DNASE1: variants seen among roughly 807,000 people sequenced by gnomAD.
DNASE1 encodes deoxyribonuclease-1.
DNASE1 carries 40 observed loss-of-function variants against 33.9 expected under a neutral mutation model. The observed-to-expected ratio is 1.18, with a 90% confidence interval of 0.92 to 1.54. The LOEUF (loss-of-function observed/expected upper bound fraction) is 1.54, where lower values mean the gene tolerates loss of function less well. Ranked by LOEUF, DNASE1 falls within the 40% of genes most tolerant of loss-of-function variation. DNASE1 has a pLI of 0.00. For synonymous variants in DNASE1, 216 were observed against 160.0 expected (o/e 1.35, Z -2.64); for missense variants, 518 against 372.6 (o/e 1.39, Z -3.21).
At chr16:3,658,700 G>A, downstream of DNASE1, 1 of 1,223,206 alleles carries the variant, frequency 8.2e-7, no homozygotes, top group East Asian at 2.5e-5. Context: ...CAAAAAGACA[G>A]GATTTTAGAG....
At chr16:3,654,139 A>G (rs1370590333), upstream of DNASE1, 9 of 379,004 alleles carry the variant, frequency 2.4e-5, no homozygotes, top group East Asian at 3.4e-4. Context: ...AAACAAAAGA[A>G]CCAAGAAATT....
chr16:3,658,181 G>GC, downstream of DNASE1: 1 of 1,614,096 alleles, frequency 6.2e-7, no homozygotes. Flanking sequence ...GCCCACCATG[G>GC]CCCTAGGGTC....
At chr16:3,646,786 A>G (rs987938395) in intron 1 of DNASE1, among the ~76,000 whole-genome samples, 4 of 152,070 alleles carry the variant, frequency 2.6e-5, no homozygotes, top group Non-Finnish European at 4.4e-5. Flanking sequence ...GGCAGTGATG[A>G]CGGGTGGTAT....
At chr16:3,664,300 CATA>C in exon 10 of DNASE1, 1 of 1,606,376 alleles carries the variant, frequency 6.2e-7, no homozygotes, top group East Asian at 2.2e-5. Context: ...TTCATGGCCT[CATA>C]GTAGGGTGAG....
At chr16:3,649,263 C>G (rs1282603373) in intron 1 of DNASE1, among the ~76,000 whole-genome samples, 1 of 152,192 alleles carries the variant, frequency 6.6e-6, no homozygotes, top group Non-Finnish European at 1.5e-5. Context: ...AGCTGGAGTC[C>G]ACCTATCTAA....
chr16:3,613,536 G>A (rs1247222143), intron 1 of DNASE1, among the ~76,000 whole-genome samples: 2 of 152,108 alleles, frequency 1.3e-5, no homozygotes, highest in East Asian at 3.8e-4. Flanking sequence ...GGTTTTCCTT[G>A]ATGAAGGATT....
chr16:3,644,007 C>T (rs1259740940), intron 1 of DNASE1, among the ~76,000 whole-genome samples: 1 of 152,160 alleles, frequency 6.6e-6, no homozygotes, highest in Non-Finnish European at 1.5e-5. Context: ...TCCCAAAGTG[C>T]TGGCATTATA....
intron 1 of DNASE1, among the ~76,000 whole-genome samples, chr16:3,637,040 C>T (rs554658329): frequency 6.6e-6 from 1 of 152,212 alleles, no homozygotes; most frequent in African/African-American, 2.4e-5. Context: ...AGGAGAATCG[C>T]TTGAACCCAG....
intron 1 of DNASE1, among the ~76,000 whole-genome samples, chr16:3,628,470 G>T (rs1309592944): frequency 2.6e-5 from 4 of 151,974 alleles, no homozygotes; most frequent in African/African-American, 9.7e-5. Context: ...AAATAGTAGT[G>T]GTAAAGGTGA....
intron 1 of DNASE1, among the ~76,000 whole-genome samples, chr16:3,619,350 T>C (rs1356305894): frequency 7.3e-6 from 1 of 136,378 alleles, no homozygotes; most frequent in East Asian, 2.3e-4. Flanking sequence ...GGTAATTTTC[T>C]TTCTTTCTTT....
rs149357200 is a variant in DNASE1 at position 3,656,979 on chromosome 16, C to G, written c.437-20C>G. Reference sequence around the variant, plus strand: ...CTGCCCCCAGGGAGTGTGCCTCACACGACGTGGCTGTCTCCACAGAGGTCA... The same window carrying G: ...CTGCCCCCAGGGAGTGTGCCTCACAGGACGTGGCTGTCTCCACAGAGGTCA... On this transcript the variant is annotated intron_variant, in intron 5 of 8. Coordinates refer to ENST00000246949, the MANE Select transcript of DNASE1 (RefSeq NM_005223.4). 1.4e-5 allele frequency: 22 copies of G among 1,611,308 alleles called. No individual in the cohort carries two copies. Among genetic ancestry groups the G allele is most frequent in the Admixed American group, 1.7e-5 (1 of 59,646 alleles).
chr16:3,634,146 A>G (rs888163841), intron 1 of DNASE1, among the ~76,000 whole-genome samples: 4 of 151,970 alleles, frequency 2.6e-5, no homozygotes, highest in Non-Finnish European at 5.9e-5. Context: ...CATAAGGGAC[A>G]GTAAGGATGA....
intron 1 of DNASE1, among the ~76,000 whole-genome samples, chr16:3,635,680 A>C (rs992363837): frequency 2.6e-5 from 4 of 151,004 alleles, no homozygotes; most frequent in Non-Finnish European, 5.9e-5. Context: ...GGGTAATTTT[A>C]CTGGATACAG....
At chr16:3,614,967 T>G (rs1332915567) in intron 1 of DNASE1, among the ~76,000 whole-genome samples, 4 of 152,192 alleles carry the variant, frequency 2.6e-5, no homozygotes, top group Non-Finnish European at 4.4e-5. Flanking sequence ...ACCCCAAATC[T>G]GGCTATATTA....
In DNASE1 at chr16:3,655,906, G is replaced by A; in HGVS notation, c.205G>A (p.Ala69Thr). ...GGAGGTCAGAGACAGCCACCTGACT[G>A]CCGTGGGGAAGCTGCTGGACAACCT... ...VQEVRDSHLT[A>T]VGKLLDNLNQ... The change falls in exon 3 of 9, where the codon GCC becomes ACC. Residue 69 changes from alanine (A) to threonine (T), a missense_variant. Physicochemically the swap from Ala to Thr is moderately conservative, Grantham distance 58 (BLOSUM62 0). Transcript: ENST00000246949. The A allele has an allele frequency of 6.2e-7, 1 of 1,614,046 alleles. No individual in the cohort carries two copies. Among genetic ancestry groups the A allele is most frequent in the Non-Finnish European group, 8.5e-7 (1 of 1,180,012 alleles).
At chr16:3,611,860 T>G (rs2040889350) in exon 1 of DNASE1, 1 of 152,348 alleles carries the variant, frequency 6.6e-6, no homozygotes, top group Non-Finnish European at 1.5e-5. Flanking sequence ...AAAGTCTGGT[T>G]CCTCCCCAGC....
downstream of DNASE1, chr16:3,658,688 AACAAAAAG>A (rs1428645173): frequency 5.1e-6 from 6 of 1,169,682 alleles, no homozygotes; most frequent in Admixed American, 6.9e-5. Context: ...CAAACAAACA[AACAAAAAG>A]ACAGGATTTT....
At chr16:3,633,613 G>GAA (rs760178210) in intron 1 of DNASE1, among the ~76,000 whole-genome samples, 7 of 88,278 alleles carry the variant, frequency 7.9e-5, no homozygotes, top group Middle Eastern at 6.3e-3. Flanking sequence ...CATCTCAAGA[G>GAA]AAAAAAAAAA....
chr16:3,663,622 A>T, exon 10 of DNASE1: 1 of 1,604,766 alleles, frequency 6.2e-7, no homozygotes, highest in Non-Finnish European at 8.5e-7. Flanking sequence ...CCACAGAAGA[A>T]AGGATGAGGG....
Sources: allele counts gnomAD v4.1 joint callset (sites outside exome capture counted in the v4.1 genomes callset), GRCh38; gene constraint gnomAD v4.1.1; transcripts MANE v1.5; gene names NCBI Gene and HGNC (gene_info 2026-07-23, HGNC 2026-07-21).